The following PLEKHM3 variants were observed in gnomAD, a reference collection of about 807,000 sequenced individuals.
PLEKHM3 encodes pleckstrin homology domain containing M3.
Under a neutral mutation model 81.8 loss-of-function variants are expected in PLEKHM3, and 45 were observed. That is an observed-to-expected ratio of 0.55 (90% CI 0.43 to 0.71). PLEKHM3 has a LOEUF of 0.71. PLEKHM3 is among the 30% of genes least tolerant of loss of function. PLEKHM3 has a pLI of 0.00. For missense variants in PLEKHM3, 788 were observed against 924.3 expected (o/e 0.85, Z 1.91); for synonymous variants, 352 against 356.4 (o/e 0.99, Z 0.14).
chr2:207,901,066 T>C (rs1688409199), intron 6 of PLEKHM3: 2 of 583,990 alleles, frequency 3.4e-6, no homozygotes, highest in African/African-American at 3.7e-5. Context: ...GGTATTGTTG[T>C]CTCTACCTGA....
At chr2:207,929,974 G>T (rs1287031997) in intron 5 of PLEKHM3, 12 of 691,260 alleles carry the variant, frequency 1.7e-5, no homozygotes, top group Non-Finnish European at 2.4e-5. Flanking sequence ...GGTATTTTTA[G>T]AGACTTATGA....
Position 207,863,654 on chromosome 2 carries a change from C to T in PLEKHM3, c.1951-2392G>A, listed in dbSNP as rs2092480256. 1.3e-5 allele frequency among the ~76,000 whole-genome samples: 2 copies of T among 152,022 alleles called. 1 individual carries two copies. Among genetic ancestry groups the T allele is most frequent in the Non-Finnish European group, 2.9e-5 (2 of 68,008 alleles). On this transcript the variant is annotated intron_variant, in intron 6 of 7. Coordinates refer to ENST00000427836, the MANE Select transcript of PLEKHM3 (RefSeq NM_001080475.3). ...GAGCCCTTTCTCAGTTAATGGGTGT[C>T]GAGTTGGGTCATTTGTCCACCGACC...
intron 6 of PLEKHM3, among the ~76,000 whole-genome samples, chr2:207,886,127 G>T (rs1687877973): frequency 1.3e-5 from 2 of 151,852 alleles, no homozygotes; most frequent in South Asian, 4.2e-4. Context: ...CAAAAAAAGG[G>T]GATTTTAACA....
intron 4 of PLEKHM3, among the ~76,000 whole-genome samples, chr2:207,942,186 T>C (rs1351276309): frequency 6.6e-6 from 1 of 152,184 alleles, no homozygotes; most frequent in Non-Finnish European, 1.5e-5. Flanking sequence ...ATGGATAATG[T>C]GGTATATATG....
Position 207,825,732 on chromosome 2 carries a change from G to C in PLEKHM3, c.*2587C>G, listed in dbSNP as rs1371396203. The C allele has an allele frequency of 6.6e-6, 1 of 152,200 alleles. No individual in the cohort carries two copies. The highest frequency in any genetic ancestry group is 1.9e-4 in the East Asian group (1 of 5,190). The allele number at this position is 152,200 out of a possible 1,614,324, so 9.4% of individuals were successfully genotyped here. A position where few individuals can be genotyped will look rare whatever the true frequency, so the allele number is the denominator to read the frequency against. On this transcript the variant is annotated 3_prime_UTR_variant, in exon 8 of 8. Coordinates refer to ENST00000427836, the MANE Select transcript of PLEKHM3 (RefSeq NM_001080475.3). ...GTGGCTGGCACCGACCAAGCTGTCAGGGTGGTACGAAAAGGAGAGGAAACA... is the reference window on the plus strand; with the variant it reads ...GTGGCTGGCACCGACCAAGCTGTCACGGTGGTACGAAAAGGAGAGGAAACA...
At chr2:207,943,314 C>T (rs542082284) in intron 4 of PLEKHM3, among the ~76,000 whole-genome samples, 147 of 152,244 alleles carry the variant, frequency 9.7e-4, no homozygotes, top group Non-Finnish European at 1.9e-3. Flanking sequence ...TATTATGGAT[C>T]AATTTTAAAA....
intron 1 of PLEKHM3, 118 bp from the exon 2 acceptor site, chr2:208,002,075 C>T (rs1692327835): frequency 5.8e-6 from 1 of 171,578 alleles, no homozygotes; most frequent in Non-Finnish European, 1.3e-5. Context: ...AGCACAAAGG[C>T]AGACAACACC....
chr2:207,917,013 A>C (rs918899078), intron 5 of PLEKHM3, among the ~76,000 whole-genome samples: 8 of 152,346 alleles, frequency 5.3e-5, no homozygotes, highest in African/African-American at 1.9e-4. Context: ...GCTGAATTAG[A>C]TCTCTGGAGA....
At chr2:208,014,756 G>T (rs946300397) in intron 1 of PLEKHM3, among the ~76,000 whole-genome samples, 3 of 152,242 alleles carry the variant, frequency 2.0e-5, no homozygotes, top group African/African-American at 7.2e-5. Flanking sequence ...GCATGGCATA[G>T]ATTTTTATCA....
intron 6 of PLEKHM3, among the ~76,000 whole-genome samples, chr2:207,894,837 G>A (rs73064825): frequency 0.021 from 3,199 of 152,224 alleles, 113 homozygotes; most frequent in African/African-American, 0.072. Flanking sequence ...GACAGCTTGG[G>A]TTTGAATCCC....
chr2:207,909,741 A>G (rs992765769), intron 5 of PLEKHM3, among the ~76,000 whole-genome samples: 3 of 152,228 alleles, frequency 2.0e-5, no homozygotes, highest in Non-Finnish European at 2.9e-5. Context: ...AATCAGTATT[A>G]AAGAAAACAA....
At chr2:207,985,309 A>G (rs371923691) in intron 2 of PLEKHM3, among the ~76,000 whole-genome samples, 3 of 151,722 alleles carry the variant, frequency 2.0e-5, no homozygotes, top group Non-Finnish European at 2.9e-5. Context: ...GGCTTTCTTC[A>G]TCCCTTCTAG....
intron 2 of PLEKHM3, among the ~76,000 whole-genome samples, chr2:207,981,694 T>C (rs1004050623): frequency 1.3e-5 from 2 of 152,232 alleles, no homozygotes; most frequent in African/African-American, 4.8e-5. Flanking sequence ...AGAAGCTATG[T>C]ATTTAAATCT....
intron 2 of PLEKHM3, among the ~76,000 whole-genome samples, chr2:207,978,462 T>G (rs1419019199): frequency 2.0e-5 from 3 of 152,076 alleles, no homozygotes; most frequent in Non-Finnish European, 4.4e-5. Flanking sequence ...ACTTTTATCT[T>G]CCCTCAGGTT....
intron 6 of PLEKHM3, among the ~76,000 whole-genome samples, chr2:207,899,127 C>G (rs59345774): frequency 6.6e-6 from 1 of 152,058 alleles, no homozygotes; most frequent in South Asian, 2.1e-4. Context: ...CAATGATGTC[C>G]GCTAAGACAC....
At chr2:207,938,345 G>C (rs956353839) in intron 4 of PLEKHM3, among the ~76,000 whole-genome samples, 299 of 152,246 alleles carry the variant, frequency 2.0e-3, no homozygotes, top group African/African-American at 6.8e-3. Flanking sequence ...ACGAAATCCT[G>C]CTTTAAAAAT....
intron 3 of PLEKHM3, among the ~76,000 whole-genome samples, chr2:207,960,094 C>A (rs935075162): frequency 6.6e-6 from 1 of 152,198 alleles, no homozygotes; most frequent in African/African-American, 2.4e-5. Flanking sequence ...AAGTGGAAAA[C>A]TCCTATTATC....
intron 5 of PLEKHM3, among the ~76,000 whole-genome samples, chr2:207,929,512 T>C (rs937786620): frequency 1.3e-5 from 2 of 152,202 alleles, no homozygotes; most frequent in African/African-American, 4.8e-5. Context: ...TAATAGAACA[T>C]ACTTTGAACA....
chr2:207,831,223 T>C (rs2092285826), intron 7 of PLEKHM3, among the ~76,000 whole-genome samples: 1 of 152,142 alleles, frequency 6.6e-6, no homozygotes, highest in South Asian at 2.1e-4. Flanking sequence ...CCTGAGGACA[T>C]CTCAGTCAAC....
Sources: gnomAD v4.1 joint callset for allele counts (sites outside exome capture counted in the v4.1 genomes callset) on GRCh38, gnomAD v4.1.1 for gene constraint, MANE v1.5 for transcripts, NCBI Gene and HGNC (gene_info 2026-07-23, HGNC 2026-07-21) for gene names.